Variants in NARS2 observed in about 807,000 individuals in gnomAD.
The protein encoded by NARS2 is asparaginyl-tRNA synthetase.
Under a neutral mutation model 62.9 loss-of-function variants are expected in NARS2, and 60 were observed. The observed-to-expected ratio is 0.95, with a 90% CI of 0.77 to 1.18. The LOEUF (loss-of-function observed/expected upper bound fraction) is 1.18, where lower values mean the gene tolerates loss of function less well. NARS2 is among the 50% of genes most tolerant of loss of function. NARS2 has a pLI of 0.00. For synonymous variants in NARS2, 196 were observed against 200.0 expected (o/e 0.98, Z 0.17); for missense variants, 619 against 576.4 (o/e 1.07, Z -0.76).
intron 6 of NARS2, among the ~76,000 whole-genome samples, chr11:78,511,095 T>C (rs1037005674): frequency 3.3e-5 from 5 of 152,204 alleles, no homozygotes; most frequent in Admixed American, 3.3e-4. Flanking sequence ...TTTGTTTTTT[T>C]CAGACAGGGT....
intron 5 of NARS2, among the ~76,000 whole-genome samples, chr11:78,531,282 T>C (rs1488200253): frequency 1.3e-5 from 2 of 152,102 alleles, no homozygotes; most frequent in African/African-American, 4.8e-5. Context: ...TACGTTTTTT[T>C]CAAGTGCACA....
At chr11:78,493,217 ATGC>A in intron 6 of NARS2, 22 bp from the exon 7 acceptor site, 1 of 1,599,890 alleles carries the variant, frequency 6.3e-7, no homozygotes, top group Non-Finnish European at 8.5e-7. Flanking sequence ...GATTAAGAGA[ATGC>A]AAATAGAATT....
chr11:78,485,554 TG>T (rs56770530), intron 7 of NARS2, among the ~76,000 whole-genome samples: 2,456 of 152,302 alleles, frequency 0.016, 57 homozygotes, highest in African/African-American at 0.056. Flanking sequence ...CTTTGTCTCC[TG>T]GTTTTGATTT....
intron 12 of NARS2, among the ~76,000 whole-genome samples, chr11:78,442,124 G>A (rs539554970): frequency 2.6e-5 from 4 of 152,332 alleles, no homozygotes; most frequent in South Asian, 4.1e-4. Context: ...TTAATGTTAC[G>A]AGGAAAGGTT....
intron 4 of NARS2, among the ~76,000 whole-genome samples, chr11:78,560,899 T>TTC (rs1198692455): frequency 2.0e-5 from 3 of 152,184 alleles, no homozygotes; most frequent in Non-Finnish European, 4.4e-5. Context: ...GAAACATTTC[T>TTC]TCCACATGAA....
chr11:78,454,209 T>G (rs934578054), intron 11 of NARS2, among the ~76,000 whole-genome samples: 2 of 152,208 alleles, frequency 1.3e-5, no homozygotes, highest in African/African-American at 4.8e-5. Context: ...TCTTCTCTCT[T>G]CCTTATCTTT....
chr11:78,573,472 G>A (rs1472085788), intron 1 of NARS2: 1 of 152,286 alleles, frequency 6.6e-6, no homozygotes, highest in African/African-American at 2.4e-5. Flanking sequence ...GGAGATGGAG[G>A]TTGTAGTCAT....
chr11:78,511,437 G>T (rs999780228), intron 6 of NARS2, among the ~76,000 whole-genome samples: 1 of 152,136 alleles, frequency 6.6e-6, no homozygotes, highest in Non-Finnish European at 1.5e-5. Context: ...GTCAAAACAG[G>T]CCAGGCGCAG....
chr11:78,564,860 GTTC>G (rs1464570594), intron 4 of NARS2, among the ~76,000 whole-genome samples: 3 of 152,178 alleles, frequency 2.0e-5, no homozygotes, highest in Non-Finnish European at 4.4e-5. Flanking sequence ...AAGCCATGAT[GTTC>G]TTTAGCTCTT....
intron 6 of NARS2, among the ~76,000 whole-genome samples, chr11:78,500,172 A>G (rs1201826535): frequency 2.0e-5 from 3 of 152,202 alleles, no homozygotes; most frequent in African/African-American, 7.2e-5. Flanking sequence ...TCCTGTCCAG[A>G]TGACTCACTT....
Position 78,436,594 on chromosome 11 carries a change from C to T in NARS2, c.*76G>A. 4 of 1,428,922 alleles carry T rather than the reference C, an allele frequency of 2.8e-6. No homozygotes were observed. The South Asian group carries it at 5.4e-5, about 19-fold the overall frequency. The allele number at this position is 1,428,922 out of a possible 1,614,324, so 88.5% of individuals were successfully genotyped here. On this transcript the variant is annotated 3_prime_UTR_variant, in exon 14 of 14. Transcript: ENST00000281038. ...GAAATCTGCATTTCTAAAATCCAAA[C>T]ATGCATTCTGCTGTATGCACAATCA...
At chr11:78,437,616 G>C (rs1311676296) in intron 13 of NARS2, among the ~76,000 whole-genome samples, 1 of 152,150 alleles carries the variant, frequency 6.6e-6, no homozygotes, top group Non-Finnish European at 1.5e-5. Context: ...AAGAGGAAAA[G>C]GGCAACTATA....
At chr11:78,519,631 T>C (rs1220323104) in intron 6 of NARS2, among the ~76,000 whole-genome samples, 2 of 152,120 alleles carry the variant, frequency 1.3e-5, no homozygotes, top group African/African-American at 2.4e-5. Flanking sequence ...TAATCCATTA[T>C]ATGAACAAAT....
At chr11:78,507,522 C>CTTTT (rs71046973) in intron 6 of NARS2, among the ~76,000 whole-genome samples, 4 of 140,594 alleles carry the variant, frequency 2.8e-5, no homozygotes, top group Non-Finnish European at 4.6e-5. Context: ...TTCTTTTATT[C>CTTTT]TTTTTTTTTT....
At chr11:78,450,588 A>G (rs1411956217) in intron 11 of NARS2, among the ~76,000 whole-genome samples, 2 of 149,362 alleles carry the variant, frequency 1.3e-5, no homozygotes, top group African/African-American at 5.0e-5. Context: ...TCTCATAATT[A>G]TTTCAGGACC....
At chr11:78,454,875 C>T (rs1358108238) in intron 11 of NARS2, among the ~76,000 whole-genome samples, 4 of 152,108 alleles carry the variant, frequency 2.6e-5, no homozygotes, top group Non-Finnish European at 5.9e-5. Flanking sequence ...CCTTGGCCTC[C>T]CAAAGTGCTG....
At chr11:78,499,051 G>A (rs1860182075) in intron 6 of NARS2, among the ~76,000 whole-genome samples, 1 of 151,316 alleles carries the variant, frequency 6.6e-6, no homozygotes, top group South Asian at 2.1e-4. Flanking sequence ...CGAGTAGCTG[G>A]GACTACAGGC....
intron 1 of NARS2, among the ~76,000 whole-genome samples, chr11:78,573,951 A>G (rs188888417): frequency 3.6e-4 from 55 of 152,318 alleles, no homozygotes; most frequent in African/African-American, 1.3e-3. Flanking sequence ...TTGAACAAGT[A>G]TTTGCTGTCA....
At chr11:78,480,685 C>A (rs1859314508) in intron 7 of NARS2, among the ~76,000 whole-genome samples, 1 of 126,506 alleles carries the variant, frequency 7.9e-6, no homozygotes, top group African/African-American at 3.9e-5. Context: ...ATAGTAATGA[C>A]AACTAATTTG....
Sources: allele counts gnomAD v4.1 joint callset (sites outside exome capture counted in the v4.1 genomes callset), GRCh38; gene constraint gnomAD v4.1.1; transcripts MANE v1.5; gene names NCBI Gene and HGNC (gene_info 2026-07-23, HGNC 2026-07-21).